Variants in PCDH15 observed in about 807,000 individuals in gnomAD.
The protein encoded by PCDH15 is protocadherin-15.
PCDH15 carries 129 observed loss-of-function variants against 178.5 expected under a neutral mutation model. The ratio of observed to expected loss-of-function variants is 0.72; its 90% CI spans 0.63 to 0.84. PCDH15 has a LOEUF of 0.84. Ranked by LOEUF, PCDH15 falls within the 40% of genes least tolerant of loss-of-function variation. The pLI is 0.00. For missense variants in PCDH15, 2,230 were observed against 2,099.9 expected (o/e 1.06, Z -1.21); for synonymous variants, 800 against 732.0 (o/e 1.09, Z -1.50).
intron 25 of PCDH15, among the ~76,000 whole-genome samples, chr10:53,929,997 T>C (rs2084905242): frequency 6.6e-6 from 1 of 152,180 alleles, no homozygotes; most frequent in Non-Finnish European, 1.5e-5. Flanking sequence ...GCACAAATAT[T>C]AACATAAGCT....
chr10:55,173,689 C>A (rs1397610097), intron 1 of PCDH15, among the ~76,000 whole-genome samples: 1 of 151,946 alleles, frequency 6.6e-6, no homozygotes, highest in Non-Finnish European at 1.5e-5. Context: ...TACATTTTTG[C>A]TAGATTCCTT....
chr10:55,337,846 A>C (rs1844437412), intron 2 of PCDH15, among the ~76,000 whole-genome samples: 1 of 104,310 alleles, frequency 9.6e-6, no homozygotes, highest in Admixed American at 9.7e-5. Context: ...TAAGAATGAA[A>C]GGAAATAATT....
Position 53,822,393 on chromosome 10 carries a change from CA to C in PCDH15, c.4368-2164del, listed in dbSNP as rs1338600699. On this transcript the variant is annotated intron_variant, in intron 32 of 37. Transcript: ENST00000644397. ...GATAGAAGGAGGAGAGGGAGGAGGACAAAAAAGAGAAAAAGGAGAAATGTCA... is the reference window on the plus strand; with the variant it reads ...GATAGAAGGAGGAGAGGGAGGAGGACAAAAAGAGAAAAAGGAGAAATGTCA... 1 of 1,565,626 alleles carries C rather than the reference CA, an allele frequency of 6.4e-7. No homozygotes were observed.
chr10:55,391,364 G>T (rs901350835), intron 2 of PCDH15, among the ~76,000 whole-genome samples: 3 of 151,810 alleles, frequency 2.0e-5, no homozygotes, highest in Non-Finnish European at 4.4e-5. Flanking sequence ...TTAGGCTTTG[G>T]TTTAAGTCAA....
chr10:53,998,507 C>T (rs185544618), intron 20 of PCDH15, among the ~76,000 whole-genome samples: 2 of 152,098 alleles, frequency 1.3e-5, no homozygotes, highest in African/African-American at 4.8e-5. Flanking sequence ...AACCTTTTCT[C>T]CTTTAGCAGA....
At chr10:54,500,513 G>A (rs1203909881) in intron 3 of PCDH15, among the ~76,000 whole-genome samples, 1 of 152,030 alleles carries the variant, frequency 6.6e-6, no homozygotes, top group Non-Finnish European at 1.5e-5. Context: ...GAGAGGACAG[G>A]GGTCTAGGAT....
chr10:55,563,183 G>T (rs76756380), intron 2 of PCDH15, among the ~76,000 whole-genome samples: 1 of 151,824 alleles, frequency 6.6e-6, no homozygotes, highest in Non-Finnish European at 1.5e-5. Context: ...GAGACAAAAA[G>T]GTGGTAGCCA....
In PCDH15 at chr10:54,036,681, TC is replaced by T. The variant is rs565551506; in HGVS notation, c.2221-13485del. Among the ~76,000 whole-genome samples the T allele has an allele frequency of 3.3e-5, 5 of 152,084 alleles. No homozygotes were observed. The East Asian group carries it at 9.7e-4, about 29-fold the overall frequency. Reference sequence around the variant, plus strand: ...ATGTAAAAGGACATCAGTGTTGTTTTCTTGCCTGTTAACACAACTTCCACTC... The same window carrying T: ...ATGTAAAAGGACATCAGTGTTGTTTTTTGCCTGTTAACACAACTTCCACTC... On this transcript the variant is annotated intron_variant, in intron 18 of 37. Transcript: ENST00000644397.
At position 55,229,275 on chromosome 10, in the gene PCDH15, A is replaced by G. The variant is rs564412279; in HGVS notation, c.-155-62624T>C. Among the ~76,000 whole-genome samples the G allele has an allele frequency of 1.3e-5, 2 of 152,062 alleles. 1 individual carries two copies. Among genetic ancestry groups the G allele is most frequent in the South Asian group, 4.2e-4 (2 of 4,806 alleles). On this transcript the variant is annotated intron_variant, in intron 1 of 5. Transcript: ENST00000458638. ...AAATGTGCCTAACAAAATTTTTCAA[A>G]TAGACTACCATAAATGATATATATC...
At chr10:55,247,117 T>C (rs1265455932) in intron 1 of PCDH15, among the ~76,000 whole-genome samples, 1 of 152,198 alleles carries the variant, frequency 6.6e-6, no homozygotes, top group Non-Finnish European at 1.5e-5. Context: ...CTGTGTTTCA[T>C]CAGTTGACAC....
At chr10:55,261,347 G>A (rs1480128808) in intron 1 of PCDH15, among the ~76,000 whole-genome samples, 1 of 152,102 alleles carries the variant, frequency 6.6e-6, no homozygotes, top group African/African-American at 2.4e-5. Flanking sequence ...TTTTGTACAT[G>A]AGGAAAAAAG....
At chr10:55,298,288 C>A (rs1329649757) in intron 1 of PCDH15, among the ~76,000 whole-genome samples, 1 of 152,148 alleles carries the variant, frequency 6.6e-6, no homozygotes, top group Non-Finnish European at 1.5e-5. Context: ...TCATTCCATG[C>A]AATTATGTTT....
chr10:54,618,067 A>G (rs117884673), intron 2 of PCDH15, among the ~76,000 whole-genome samples: 10 of 152,254 alleles, frequency 6.6e-5, no homozygotes, highest in East Asian at 5.8e-4. Context: ...GAATTCTTCT[A>G]TAAATTCTAC....
rs566865086 is a variant in PCDH15 at position 55,577,135 on chromosome 10, G to A, written c.-156+50490C>T. ...TGCACGCCTGTAGTCCCAGCTACTC[G>A]GGAGGCTGAGGCAGAAAAATTATTT... On this transcript the variant is annotated intron_variant, in intron 2 of 5. Transcript: ENST00000613346. 2.4e-3 allele frequency among the ~76,000 whole-genome samples: 372 copies of A among 152,164 alleles called. 1 individual carries two copies. The highest frequency in any genetic ancestry group is 8.2e-3 in the African/African-American group (341 of 41,548).
At chr10:53,838,934 G>A (rs1053563269) in intron 29 of PCDH15, among the ~76,000 whole-genome samples, 2 of 152,036 alleles carry the variant, frequency 1.3e-5, no homozygotes, top group African/African-American at 4.8e-5. Flanking sequence ...GCCAGGCACG[G>A]TGGCTCACAC....
intron 8 of PCDH15, among the ~76,000 whole-genome samples, chr10:54,278,489 G>T (rs1004840625): frequency 8.6e-5 from 13 of 151,516 alleles, no homozygotes; most frequent in African/African-American, 3.1e-4. Flanking sequence ...ATACAGAAAT[G>T]GGTAAATTAT....
intron 1 of PCDH15, among the ~76,000 whole-genome samples, chr10:55,257,572 G>T (rs537717818): frequency 6.6e-6 from 1 of 152,130 alleles, no homozygotes; most frequent in Non-Finnish European, 1.5e-5. Flanking sequence ...ACTACCTGAC[G>T]AATACACAAG....
intron 2 of PCDH15, among the ~76,000 whole-genome samples, chr10:55,028,731 A>C (rs912453277): frequency 6.6e-6 from 1 of 151,980 alleles, no homozygotes. Flanking sequence ...CAAATTATAC[A>C]GATTCTCTGA....
At chr10:55,066,937 GATAA>G (rs1225340296) in intron 2 of PCDH15, among the ~76,000 whole-genome samples, 2 of 151,754 alleles carry the variant, frequency 1.3e-5, no homozygotes, top group African/African-American at 2.4e-5. Context: ...ACACAAAAAT[GATAA>G]ATATTCAAGC....
Sources: allele counts gnomAD v4.1 joint callset (sites outside exome capture counted in the v4.1 genomes callset), GRCh38; gene constraint gnomAD v4.1.1; transcripts MANE v1.5; gene names NCBI Gene and HGNC (gene_info 2026-07-23, HGNC 2026-07-21).